PTH2R: variants seen among roughly 807,000 people sequenced by gnomAD.
PTH2R encodes parathyroid hormone 2 receptor.
Under a neutral mutation model 60.3 loss-of-function variants are expected in PTH2R, and 59 were observed. The ratio of observed to expected loss-of-function variants is 0.98; its 90% confidence interval spans 0.79 to 1.22. The LOEUF is 1.22. Among genes scored for constraint, PTH2R ranks in the 50% most tolerant of loss-of-function variants. The pLI, the probability that PTH2R is intolerant of heterozygous loss-of-function variation, is 0.00. For synonymous variants in PTH2R, 256 were observed against 243.8 expected, an observed-to-expected ratio of 1.05 and a Z score of -0.47; for missense variants, 749 against 682.6, an observed-to-expected ratio of 1.10 and a Z score of -1.08.
chr2:208,373,518 T>G (rs2125871606), intron 1 of PTH2R, among the ~76,000 whole-genome samples: 1 of 152,204 alleles, frequency 6.6e-6, no homozygotes, highest in Non-Finnish European at 1.5e-5. Context: ...AATTCTCACC[T>G]TTAGGACACT....
intron 9 of PTH2R, among the ~76,000 whole-genome samples, chr2:208,467,513 G>C (rs1702780136): frequency 6.6e-6 from 1 of 152,150 alleles, no homozygotes; most frequent in African/African-American, 2.4e-5. Context: ...ACGTTTTCAA[G>C]AGACACAATA....
chr2:208,400,462 A>G lies in PTH2R; in HGVS notation c.-258-27739A>G, dbSNP rs562943616. ...TATATTTCCAGGGGTAGCAAGAGCT[A>G]TTTGAATTTCTCATTAGAATGTCTT... On this transcript the variant is annotated intron_variant, in intron 1 of 12. Transcript: ENST00000617735. Among the ~76,000 whole-genome samples the G allele has an allele frequency of 6.9e-4, 105 of 152,268 alleles. 1 individual carries two copies. Among genetic ancestry groups the G allele is most frequent in the Middle Eastern group, 3.4e-3 (1 of 294 alleles).
At chr2:208,392,751 G>T (rs952964058) in intron 1 of PTH2R, among the ~76,000 whole-genome samples, 8 of 152,164 alleles carry the variant, frequency 5.3e-5, no homozygotes, top group African/African-American at 1.9e-4. Context: ...GGAGAAGAGA[G>T]ACTGGCTCCA....
intron 8 of PTH2R, among the ~76,000 whole-genome samples, chr2:208,454,230 A>G (rs1702465115): frequency 6.6e-6 from 1 of 152,188 alleles, no homozygotes; most frequent in African/African-American, 2.4e-5. Flanking sequence ...GTAGAAAAGC[A>G]TTCAGGTAAC....
intron 1 of PTH2R, among the ~76,000 whole-genome samples, chr2:208,398,751 A>G (rs1479172795): frequency 6.6e-6 from 1 of 152,200 alleles, no homozygotes; most frequent in Non-Finnish European, 1.5e-5. Context: ...TGCTGTTTGA[A>G]TCTTAAGGCA....
At chr2:208,439,768 A>G (rs1702146243) in intron 4 of PTH2R, among the ~76,000 whole-genome samples, 1 of 152,186 alleles carries the variant, frequency 6.6e-6, no homozygotes, top group Non-Finnish European at 1.5e-5. Flanking sequence ...ACCATATAAT[A>G]CATCTCCTAT....
chr2:208,390,312 C>G (rs545966722), intron 1 of PTH2R, among the ~76,000 whole-genome samples: 1 of 152,242 alleles, frequency 6.6e-6, no homozygotes, highest in East Asian at 1.9e-4. Flanking sequence ...GAATGTTCTC[C>G]TGAGAGGAGT....
intron 9 of PTH2R, among the ~76,000 whole-genome samples, chr2:208,470,124 T>C (rs1350864956): frequency 6.6e-6 from 1 of 152,228 alleles, no homozygotes; most frequent in Non-Finnish European, 1.5e-5. Flanking sequence ...CTTGGGTACT[T>C]ATGAAAGGGC....
intron 1 of PTH2R, among the ~76,000 whole-genome samples, chr2:208,387,003 A>C (rs889967285): frequency 2.0e-5 from 3 of 152,318 alleles, no homozygotes; most frequent in Admixed American, 2.0e-4. Context: ...TTTAAGTTTA[A>C]TGCCAATTTT....
chr2:208,439,940 T>C (rs992242451), intron 4 of PTH2R, among the ~76,000 whole-genome samples: 1 of 152,200 alleles, frequency 6.6e-6, no homozygotes, highest in Admixed American at 6.5e-5. Context: ...CAAATAATTA[T>C]AATGAATGTT....
At chr2:208,373,411 G>A (rs2125871540) in intron 1 of PTH2R, among the ~76,000 whole-genome samples, 1 of 152,076 alleles carries the variant, frequency 6.6e-6, no homozygotes, top group East Asian at 1.9e-4. Context: ...TCTTGAATTT[G>A]GCCTGCTCTG....
At chr2:208,481,746 T>C (rs530100258) in intron 10 of PTH2R, among the ~76,000 whole-genome samples, 98 of 152,312 alleles carry the variant, frequency 6.4e-4, no homozygotes, top group Non-Finnish European at 1.0e-3. Flanking sequence ...AGAAAATATC[T>C]TGATGATCTT....
chr2:208,474,309 T>C (rs1702951291), intron 9 of PTH2R, among the ~76,000 whole-genome samples: 1 of 152,234 alleles, frequency 6.6e-6, no homozygotes, highest in Non-Finnish European at 1.5e-5. Flanking sequence ...AGCGTGGTAA[T>C]AGTAGAGGTG....
rs1254892637 is a variant in PTH2R, at chr2:208,442,119, G to C, written c.412-245G>C. ...AGCTAATTTGTGGTGACAGATATTGGAACAGTGATTTCCTGGGGGTGGATA... is the reference window on the plus strand; with the variant it reads ...AGCTAATTTGTGGTGACAGATATTGCAACAGTGATTTCCTGGGGGTGGATA... On this transcript the variant is annotated intron_variant, in intron 4 of 12. Transcript: ENST00000272847. Among the ~76,000 whole-genome samples, 3 of 152,168 alleles carry C rather than the reference G, an allele frequency of 2.0e-5. No homozygotes were observed. In the East Asian group the frequency reaches 5.8e-4, roughly 29 times the overall value.
Position 208,488,931 on chromosome 2 carries a change from G to GT in PTH2R, c.1077-71dup, listed in dbSNP as rs11335842. 1.7e-3 allele frequency: 2,354 copies of GT among 1,397,352 alleles called. 1 individual carries two copies. Among genetic ancestry groups the GT allele is most frequent in the African/African-American group, 3.7e-3 (252 of 67,738 alleles). The allele number at this position is 1,397,352 out of a possible 1,614,324, so 86.6% of individuals were successfully genotyped here. A position where few individuals can be genotyped will look rare whatever the true frequency, so the allele number is the denominator to read the frequency against. On this transcript the variant is annotated intron_variant, in intron 10 of 12. Transcript: ENST00000272847. ...GCCCCACCCCCATTAGCTCTGCTAA[G>GT]TTTTTTTTTTCCTCCAGCACGCTGT...
chr2:208,390,628 T>TTA (rs1701092052), intron 1 of PTH2R, among the ~76,000 whole-genome samples: 2 of 152,248 alleles, frequency 1.3e-5, no homozygotes, highest in African/African-American at 4.8e-5. Flanking sequence ...GTAACCATTA[T>TTA]TCCTGCTATC....
intron 1 of PTH2R, among the ~76,000 whole-genome samples, chr2:208,417,262 C>A (rs1201886114): frequency 1.3e-5 from 2 of 152,094 alleles, no homozygotes; most frequent in Admixed American, 1.3e-4. Context: ...ATTTTACATA[C>A]ATTGTAAAAT....
chr2:208,465,933 G>C (rs1702742394), intron 9 of PTH2R, among the ~76,000 whole-genome samples: 1 of 151,604 alleles, frequency 6.6e-6, no homozygotes, highest in Admixed American at 6.6e-5. Flanking sequence ...AAATTTAACA[G>C]GTCTATTTAT....
intron 1 of PTH2R, chr2:208,360,323 A>T (rs1312903086): frequency 3.1e-6 from 1 of 324,688 alleles, no homozygotes; most frequent in African/African-American, 2.2e-5. Context: ...AACTTTCGCC[A>T]CACCCGGAGC....
Sources: gnomAD v4.1 joint callset for allele counts (sites outside exome capture counted in the v4.1 genomes callset) on GRCh38, gnomAD v4.1.1 for gene constraint, MANE v1.5 for transcripts, NCBI Gene and HGNC (gene_info 2026-07-23, HGNC 2026-07-21) for gene names.